The following AKAP13 variants were observed in gnomAD, a reference collection of about 807,000 sequenced individuals.
AKAP13 encodes the protein A-kinase anchoring protein 13, also known as A-kinase anchor protein 13.
AKAP13 carries 80 observed loss-of-function variants against 264.5 expected under a neutral mutation model. The ratio of observed to expected loss-of-function variants is 0.30; its 90% CI spans 0.25 to 0.36. The LOEUF (loss-of-function observed/expected upper bound fraction) is 0.36, where lower values mean the gene tolerates loss of function less well. Ranked by LOEUF, AKAP13 falls within the 10% of genes least tolerant of loss-of-function variation. The pLI is 1.00. For missense variants in AKAP13, 3,712 were observed against 3,435.2 expected (o/e 1.08, Z -2.01); for synonymous variants, 1,380 against 1,250.2 (o/e 1.10, Z -2.19).
chr15:85,441,913 A>G (rs1489928131), intron 1 of AKAP13, among the ~76,000 whole-genome samples: 4 of 152,146 alleles, frequency 2.6e-5, no homozygotes, highest in Non-Finnish European at 4.4e-5. Context: ...GAGCTTTTCT[A>G]TCATAGTTCA....
At chr15:85,421,137 A>G (rs1412797244) in intron 1 of AKAP13, among the ~76,000 whole-genome samples, 1 of 152,230 alleles carries the variant, frequency 6.6e-6, no homozygotes, top group Non-Finnish European at 1.5e-5. Context: ...CTCAGAGAAA[A>G]CAAGCAACTA....
chr15:85,729,049 C>T (rs953429773), intron 29 of AKAP13, among the ~76,000 whole-genome samples: 4 of 151,876 alleles, frequency 2.6e-5, no homozygotes, highest in Admixed American at 6.6e-5. Context: ...GCCTGTAATC[C>T]CAGCACTTTG....
At chr15:85,737,803 A>C (rs2088651643) in intron 33 of AKAP13, among the ~76,000 whole-genome samples, 1 of 151,860 alleles carries the variant, frequency 6.6e-6, no homozygotes, top group Non-Finnish European at 1.5e-5. Context: ...ATACCTGGCT[A>C]ATTTTTTTGT....
Position 85,718,833 on chromosome 15 carries a change from G to A in AKAP13, c.6002-243G>A. On this transcript the variant is annotated intron_variant, in intron 22 of 36. Transcript: ENST00000394518. The surrounding 1 kb of genome is among the most constrained non-coding windows in gnomAD (Gnocchi z 4.9). ...AAAGATCGCTTGAGCCCAGGAGGTT[G>A]AGGCTGCAATGAGCCATGACTTCAG... 1 of 467,084 alleles carries A rather than the reference G, an allele frequency of 2.1e-6. No individual in the cohort carries two copies. The highest frequency in any genetic ancestry group is 2.2e-5 in the South Asian group (1 of 44,598). The allele number at this position is 467,084 out of a possible 1,614,324, so 28.9% of individuals were successfully genotyped here.
At position 85,382,524 on chromosome 15, in the gene AKAP13, A is replaced by G. The variant is rs531333994; in HGVS notation, c.-12+1726A>G. ...GGGAAGGAGGTTGACAGAGGTTGGAAGGGATTGTCAGGGAGGGACATAATG... is the reference window on the plus strand; with the variant it reads ...GGGAAGGAGGTTGACAGAGGTTGGAGGGGATTGTCAGGGAGGGACATAATG... On this transcript the variant is annotated intron_variant, in intron 1 of 36. Coordinates refer to ENST00000394518, the MANE Select transcript of AKAP13 (RefSeq NM_007200.5). Among the ~76,000 whole-genome samples the G allele has an allele frequency of 1.8e-4, 27 of 152,256 alleles. No individual in the cohort carries two copies. In the Middle Eastern group the frequency reaches 0.01, roughly 58 times the overall value.
chr15:85,550,172 C>T (rs1029585085), intron 5 of AKAP13, among the ~76,000 whole-genome samples: 2 of 152,148 alleles, frequency 1.3e-5, no homozygotes, highest in African/African-American at 4.8e-5. Context: ...GCCTTGGCCT[C>T]CCAAAGTGCT....
At chr15:85,418,022 C>T (rs935722188) in intron 1 of AKAP13, among the ~76,000 whole-genome samples, 1 of 150,376 alleles carries the variant, frequency 6.6e-6, no homozygotes, top group African/African-American at 2.4e-5. Context: ...TACATTTTTA[C>T]ATTCTTTTTG....
chr15:85,562,574 A>AAAAAAAATATATATATATATATATAT (rs1351834745), intron 5 of AKAP13, among the ~76,000 whole-genome samples: 3 of 77,686 alleles, frequency 3.9e-5, no homozygotes, highest in African/African-American at 1.2e-4. Flanking sequence ...CAAAAAAAAA[A>AAAAAAAATATATATATATATATATAT]ATATATATAT....
chr15:85,619,757 G>A, intron 8 of AKAP13: 2 of 1,044,134 alleles, frequency 1.9e-6, no homozygotes, highest in Non-Finnish European at 2.3e-6. Context: ...TGCCAGTGAT[G>A]GAAACGGTGT....
At position 85,620,025 on chromosome 15, in the gene AKAP13, C is replaced by T; in HGVS notation, c.4162-19349C>T. On this transcript the variant is annotated intron_variant, in intron 8 of 36. Transcript: ENST00000394518. ...AGAAATTTGGAACTAAGGACTTGCA[C>T]TGGTCCCCAAGTTAACAGTGGATAT... is the stretch of plus-strand genomic sequence containing the variant. 3 of 1,532,434 alleles carry T rather than the reference C, an allele frequency of 2.0e-6. No homozygotes were observed. The South Asian group carries it at 3.6e-5, about 18-fold the overall frequency. 94.9% of individuals were successfully genotyped at this position (1,532,434 alleles called of 1,614,324 possible).
chr15:85,661,043 C>T (rs953022018), intron 12 of AKAP13, among the ~76,000 whole-genome samples: 1 of 152,066 alleles, frequency 6.6e-6, no homozygotes, highest in Non-Finnish European at 1.5e-5. Context: ...TTTATTGAGC[C>T]GAGTGTTTTT....
intron 1 of AKAP13, chr15:85,415,429 C>T (rs1358445047): frequency 1.2e-6 from 2 of 1,606,452 alleles, no homozygotes; most frequent in African/African-American, 1.3e-5. Flanking sequence ...TTTTCTTGTA[C>T]CCTGGGAGAG....
chr15:85,467,378 T>G (rs1273257070), intron 1 of AKAP13, among the ~76,000 whole-genome samples: 1 of 152,184 alleles, frequency 6.6e-6, no homozygotes, highest in Non-Finnish European at 1.5e-5. Context: ...CTTCACAGCA[T>G]CCTCATATTA....
intron 8 of AKAP13, among the ~76,000 whole-genome samples, chr15:85,598,187 T>C (rs922712418): frequency 6.6e-6 from 1 of 152,098 alleles, no homozygotes; most frequent in Non-Finnish European, 1.5e-5. Flanking sequence ...TGGTTTGGAC[T>C]CCCCCTGCCA....
intron 1 of AKAP13, among the ~76,000 whole-genome samples, chr15:85,453,312 A>C (rs1445958230): frequency 1.3e-5 from 2 of 152,124 alleles, no homozygotes; most frequent in Non-Finnish European, 2.9e-5. Context: ...CCAGGCTTGG[A>C]GGACCTGCCC....
rs1467895169 is a variant in AKAP13, at chr15:85,498,199, G to GATATAGATAT, written c.33+12451_33+12452insGATATATATA. ...TGGTAGTAAGGATTAAATGAAGTGA[G>GATATAGATAT]ATATATATATATATATATATATATA... On this transcript the variant is annotated intron_variant, in intron 2 of 36. Coordinates refer to ENST00000394518, the MANE Select transcript of AKAP13 (RefSeq NM_007200.5). 5.9e-4 allele frequency among the ~76,000 whole-genome samples: 78 copies of GATATAGATAT among 133,082 alleles called. 6 individuals are homozygous for GATATAGATAT. In the East Asian group the frequency reaches 0.014, roughly 23 times the overall value. The allele number at this position is 133,082 out of a possible 152,430, so 87.3% of individuals were successfully genotyped here.
At chr15:85,498,234 G>A (rs910145997) in intron 2 of AKAP13, among the ~76,000 whole-genome samples, 1 of 123,478 alleles carries the variant, frequency 8.1e-6, no homozygotes, top group African/African-American at 3.1e-5. Context: ...ATATCACATT[G>A]AGCGAGATCA....
intron 1 of AKAP13, among the ~76,000 whole-genome samples, chr15:85,388,296 C>G (rs1460586646): frequency 6.6e-6 from 1 of 152,020 alleles, no homozygotes; most frequent in Admixed American, 6.5e-5. Flanking sequence ...CCGCCAGCCT[C>G]AGCCTCCCAA....
chr15:85,490,910 C>T (rs1052368409), intron 2 of AKAP13, among the ~76,000 whole-genome samples: 3 of 152,112 alleles, frequency 2.0e-5, no homozygotes, highest in African/African-American at 7.2e-5. Flanking sequence ...GCTGTTTTAT[C>T]TTGGGTGGTC....
Sources: allele counts gnomAD v4.1 joint callset (sites outside exome capture counted in the v4.1 genomes callset), GRCh38; gene constraint gnomAD v4.1.1; non-coding constraint Gnocchi (gnomAD v3.1); transcripts MANE v1.5; gene names NCBI Gene and HGNC (gene_info 2026-07-23, HGNC 2026-07-21).